KCTD1: variants seen among roughly 807,000 people sequenced by gnomAD.
The protein encoded by KCTD1 is potassium channel tetramerization domain containing 1.
In KCTD1, 24 loss-of-function variants were observed where a neutral mutation model predicts 66.0. The observed-to-expected ratio is 0.36, with a 90% CI of 0.26 to 0.51. KCTD1 has a LOEUF of 0.51. Ranked by LOEUF, KCTD1 falls within the 20% of genes least tolerant of loss-of-function variation. The pLI is 0.95. For missense variants in KCTD1, 943 were observed against 1,205.2 expected, an observed-to-expected ratio of 0.78 and a Z score of 3.22; for synonymous variants, 511 against 517.2, an observed-to-expected ratio of 0.99 and a Z score of 0.16.
intron 1 of KCTD1, among the ~76,000 whole-genome samples, chr18:26,502,271 G>C (rs1229114292): frequency 1.3e-5 from 2 of 152,188 alleles, no homozygotes; most frequent in Admixed American, 6.5e-5. Context: ...GGATGGTCTT[G>C]ATCTCCTGAC....
chr18:26,481,937 G>C (rs1309129430), intron 2 of KCTD1, among the ~76,000 whole-genome samples: 1 of 152,182 alleles, frequency 6.6e-6, no homozygotes, highest in South Asian at 2.1e-4. Context: ...GACCAACGAG[G>C]AGGCAAGTCA....
At chr18:26,643,353 G>A (rs909435332), upstream of KCTD1, among the ~76,000 whole-genome samples, 1 of 152,116 alleles carries the variant, frequency 6.6e-6, no homozygotes, top group Non-Finnish European at 1.5e-5. Flanking sequence ...CATGGGGGTG[G>A]GGTTTCAACA....
At position 26,657,353 on chromosome 18, in the gene KCTD1, ATCTTACCTG is replaced by A; in HGVS notation, c.7_9+6del. ...AATAATAACAAACCCAAACCGTCAGATCTTACCTGAAACATTGAAGCACAAAGTCTCTCT... is the reference window on the plus strand; with the variant it reads ...AATAATAACAAACCCAAACCGTCAGAAAACATTGAAGCACAAAGTCTCTCT... On this transcript the variant is annotated splice_donor_variant and splice_donor_5th_base_variant and coding_sequence_variant and intron_variant, in exon 1 of 5. Transcript: ENST00000580191. LOFTEE classifies it high-confidence loss of function. The A allele has an allele frequency of 2.0e-6, 2 of 985,460 alleles. No individual in the cohort carries two copies. The highest frequency in any genetic ancestry group is 2.4e-6 in the Non-Finnish European group (2 of 829,970). The allele number at this position is 985,460 out of a possible 1,614,324, so 61.0% of individuals were successfully genotyped here.
At chr18:26,465,380 G>T (rs770167595) in intron 3 of KCTD1, among the ~76,000 whole-genome samples, 1 of 152,144 alleles carries the variant, frequency 6.6e-6, no homozygotes, top group Non-Finnish European at 1.5e-5. Context: ...CACCGTGCCC[G>T]GCCCATTCTT....
intron 2 of KCTD1, among the ~76,000 whole-genome samples, chr18:26,488,860 T>C (rs945462998): frequency 6.6e-6 from 1 of 152,248 alleles, no homozygotes; most frequent in Non-Finnish European, 1.5e-5. Flanking sequence ...TTTCCACTGA[T>C]ACCACGTCTT....
At chr18:26,483,288 AGAGT>A (rs1467172792) in intron 2 of KCTD1, among the ~76,000 whole-genome samples, 3 of 152,140 alleles carry the variant, frequency 2.0e-5, no homozygotes, top group African/African-American at 7.2e-5. Context: ...TTTTTGTTTG[AGAGT>A]GAGTCTCGCT....
chr18:26,562,444 G>A (rs1985883006), intron 1 of KCTD1, among the ~76,000 whole-genome samples: 1 of 137,758 alleles, frequency 7.3e-6, no homozygotes, highest in Non-Finnish European at 1.6e-5. Context: ...GGGGGGGTGG[G>A]GGCGGGGGGT....
chr18:26,553,488 G>A (rs566952721), upstream of KCTD1, among the ~76,000 whole-genome samples: 3 of 152,176 alleles, frequency 2.0e-5, no homozygotes, highest in African/African-American at 4.8e-5. Flanking sequence ...ATAAATATAC[G>A]CACATTTATG....
At chr18:26,605,726 ATCT>A (rs1986998134) in intron 1 of KCTD1, among the ~76,000 whole-genome samples, 1 of 74,056 alleles carries the variant, frequency 1.4e-5, no homozygotes, top group African/African-American at 5.3e-5. Context: ...ATATCTCTAT[ATCT>A]ATCTATCTAT....
chr18:26,544,120 T>C (rs2144824114), intron 1 of KCTD1: 1 of 152,270 alleles, frequency 6.6e-6, no homozygotes, highest in South Asian at 2.1e-4. Flanking sequence ...CAATAGCTAT[T>C]TGGGGGACAA....
At chr18:26,594,691 C>A (rs1986726241) in intron 1 of KCTD1, among the ~76,000 whole-genome samples, 1 of 152,192 alleles carries the variant, frequency 6.6e-6, no homozygotes, top group African/African-American at 2.4e-5. Context: ...GGTCAACCAA[C>A]AGTCTAGACG....
chr18:26,611,727 T>G (rs970557820), intron 1 of KCTD1, among the ~76,000 whole-genome samples: 2 of 152,186 alleles, frequency 1.3e-5, no homozygotes, highest in Non-Finnish European at 2.9e-5. Context: ...TGATTGACTA[T>G]TCTCATAAGT....
intron 1 of KCTD1, among the ~76,000 whole-genome samples, chr18:26,578,534 T>C (rs1986282120): frequency 6.6e-6 from 1 of 152,180 alleles, no homozygotes; most frequent in African/African-American, 2.4e-5. Flanking sequence ...CCTAGCAAAG[T>C]ACGTGCCATG....
At chr18:26,595,884 A>G (rs7230351) in intron 1 of KCTD1, among the ~76,000 whole-genome samples, 2,737 of 152,200 alleles carry the variant, frequency 0.018, 50 homozygotes, top group African/African-American at 0.051. Context: ...TACAAAAAAT[A>G]ATTTTAAAAA....
upstream of KCTD1, chr18:26,549,444 G>T (rs943554620): frequency 7.6e-5 from 75 of 985,744 alleles, no homozygotes; most frequent in Admixed American, 9.8e-4. Flanking sequence ...AGCCAGCCCC[G>T]GGAAGGAGCG....
chr18:26,457,555 C>T (rs1433761805), intron 4 of KCTD1: 4 of 152,186 alleles, frequency 2.6e-5, no homozygotes, highest in African/African-American at 7.2e-5. Context: ...AGGAGGAAAT[C>T]GCTAAGCTCT....
chr18:26,618,051 A>T (rs1987296143), intron 1 of KCTD1, among the ~76,000 whole-genome samples: 1 of 151,984 alleles, frequency 6.6e-6, no homozygotes, highest in Non-Finnish European at 1.5e-5. Flanking sequence ...AGGCAGTGTT[A>T]ATGAGGAAAA....
At chr18:26,600,783 C>T (rs1431742722) in intron 1 of KCTD1, among the ~76,000 whole-genome samples, 8 of 151,814 alleles carry the variant, frequency 5.3e-5, no homozygotes, top group African/African-American at 1.2e-4. Flanking sequence ...CTTTGTGACA[C>T]GAGTCAAGTG....
chr18:26,573,870 G>T (rs1454890019), intron 1 of KCTD1, among the ~76,000 whole-genome samples: 1 of 152,188 alleles, frequency 6.6e-6, no homozygotes. Context: ...GGATGTGAAA[G>T]TCGTGAGAAG....
Sources: gnomAD v4.1 joint callset for allele counts (sites outside exome capture counted in the v4.1 genomes callset) on GRCh38, gnomAD v4.1.1 for gene constraint, MANE v1.5 for transcripts, NCBI Gene and HGNC (gene_info 2026-07-23, HGNC 2026-07-21) for gene names.